MAGI2: variants seen among roughly 807,000 people sequenced by gnomAD.
MAGI2 encodes the protein membrane associated guanylate kinase, WW and PDZ domain containing 2.
A neutral mutation model predicts 133.3 loss-of-function variants in MAGI2; 35 were observed. The observed-to-expected ratio is 0.26, with a 90% CI of 0.20 to 0.35. The LOEUF (loss-of-function observed/expected upper bound fraction) is 0.35, where lower values mean the gene tolerates loss of function less well. Among genes scored for constraint, MAGI2 ranks in the 10% least tolerant of loss-of-function variants. The pLI is 1.00. For missense variants in MAGI2, 1,636 were observed against 1,863.4 expected (o/e 0.88, Z 2.25); for synonymous variants, 729 against 710.6 (o/e 1.03, Z -0.41).
chr7:78,174,955 G>A (rs1826451468), intron 14 of MAGI2, among the ~76,000 whole-genome samples: 1 of 152,234 alleles, frequency 6.6e-6, no homozygotes, highest in Admixed American at 6.5e-5. Context: ...ATGAATGCTG[G>A]AGGGTAACAA....
intron 21 of MAGI2, among the ~76,000 whole-genome samples, chr7:78,037,098 C>T (rs1810313811): frequency 6.6e-6 from 1 of 152,056 alleles, no homozygotes; most frequent in African/African-American, 2.4e-5. Context: ...ACCAGTGCCC[C>T]CAAGGCATCC....
chr7:78,568,153 T>G (rs1801140819), intron 3 of MAGI2: 2 of 152,252 alleles, frequency 1.3e-5, no homozygotes, highest in Non-Finnish European at 2.9e-5. Context: ...CTCCAAACTC[T>G]AAATGTTTAA....
Position 79,252,035 on chromosome 7 carries a change from T to C in MAGI2, c.301+200985A>G, listed in dbSNP as rs544718131. Among the ~76,000 whole-genome samples the C allele has an allele frequency of 4.0e-5, 6 of 151,536 alleles. No individual in the cohort carries two copies. In the South Asian group the frequency reaches 1.3e-3, roughly 32 times the overall value. On this transcript the variant is annotated intron_variant, in intron 1 of 21. Transcript: ENST00000354212. Reference sequence around the variant, plus strand: ...ACCCTGGCGTGGTAGCCCACACCTATGGTTCCAGCTATTCATGATGCTGAG... The same window carrying C: ...ACCCTGGCGTGGTAGCCCACACCTACGGTTCCAGCTATTCATGATGCTGAG...
At chr7:79,423,221 C>CAGT (rs1847102310) in intron 1 of MAGI2, among the ~76,000 whole-genome samples, 1 of 93,512 alleles carries the variant, frequency 1.1e-5, no homozygotes, top group Non-Finnish European at 1.8e-5. Flanking sequence ...TACACATCAT[C>CAGT]AATAAAAACT....
chr7:78,495,984 T>C lies in MAGI2; in HGVS notation c.965+5593A>G, dbSNP rs142837912. On this transcript the variant is annotated intron_variant, in intron 5 of 21. Transcript: ENST00000354212. ...TGTGACTAGTACGATATGTCAAGTA[T>C]AGAATGAGAAAGTATATTTCTGGTG... 3.1e-3 allele frequency among the ~76,000 whole-genome samples: 468 copies of C among 152,322 alleles called. 1 individual carries two copies. Among genetic ancestry groups the C allele is most frequent in the Middle Eastern group, 0.01 (3 of 294 alleles).
At chr7:78,319,582 G>A (rs1489194475) in intron 9 of MAGI2, among the ~76,000 whole-genome samples, 1 of 152,174 alleles carries the variant, frequency 6.6e-6, no homozygotes, top group Non-Finnish European at 1.5e-5. Flanking sequence ...AAACCAATGA[G>A]AACAAAGACA....
chr7:78,595,173 G>A (rs1180538906), intron 3 of MAGI2, among the ~76,000 whole-genome samples: 1 of 152,074 alleles, frequency 6.6e-6, no homozygotes, highest in Non-Finnish European at 1.5e-5. Context: ...ACTATGTTTT[G>A]CTATTTCACT....
intron 2 of MAGI2, among the ~76,000 whole-genome samples, chr7:78,831,675 C>G (rs1373734717): frequency 6.6e-6 from 1 of 152,208 alleles, no homozygotes; most frequent in African/African-American, 2.4e-5. Context: ...CTTTCTACTT[C>G]TCCCAGCCTC....
At chr7:79,297,164 C>A (rs1470829346) in intron 1 of MAGI2, among the ~76,000 whole-genome samples, 1 of 152,150 alleles carries the variant, frequency 6.6e-6, no homozygotes, top group African/African-American at 2.4e-5. Flanking sequence ...ACATCACAAC[C>A]ACCACCTGGC....
At chr7:78,443,875 C>T (rs73370266) in intron 6 of MAGI2, among the ~76,000 whole-genome samples, 1,904 of 152,182 alleles carry the variant, frequency 0.013, 42 homozygotes, top group African/African-American at 0.044. Context: ...CATGACCTGT[C>T]ATTCCTCTTT....
intron 2 of MAGI2, among the ~76,000 whole-genome samples, chr7:78,780,206 G>T (rs548036858): frequency 3.3e-5 from 5 of 152,280 alleles, no homozygotes; most frequent in African/African-American, 1.2e-4. Flanking sequence ...CATTTTTGTA[G>T]AGTAAATATG....
At chr7:78,893,300 G>A (rs6970742) in intron 2 of MAGI2, among the ~76,000 whole-genome samples, 78,697 of 151,960 alleles carry the variant, frequency 0.52, 22,023 homozygotes, top group South Asian at 0.68. Context: ...AACTTGTTCA[G>A]CCATTGTGGA....
intron 6 of MAGI2, among the ~76,000 whole-genome samples, chr7:78,420,302 G>A (rs922138081): frequency 2.0e-5 from 3 of 152,250 alleles, no homozygotes; most frequent in Admixed American, 6.5e-5. Flanking sequence ...AGAACAAGAA[G>A]TAAAGAATTA....
At chr7:78,410,634 T>A (rs1562958372) in intron 6 of MAGI2, among the ~76,000 whole-genome samples, 1 of 152,032 alleles carries the variant, frequency 6.6e-6, no homozygotes, top group Admixed American at 6.6e-5. Context: ...AAATCCATAA[T>A]AATTAAATGA....
At chr7:78,417,488 TTTTACTTAGTAACTA>T (rs761198837) in intron 6 of MAGI2, among the ~76,000 whole-genome samples, 11 of 152,052 alleles carry the variant, frequency 7.2e-5, no homozygotes, top group Non-Finnish European at 1.6e-4. Context: ...ATCTACAATC[TTTTACTTAGTAACTA>T]TAATACTTAA....
intron 20 of MAGI2, among the ~76,000 whole-genome samples, chr7:78,082,402 G>T: frequency 6.6e-6 from 1 of 152,180 alleles, no homozygotes. Context: ...GGGGCCTCAG[G>T]AATGAGGCTC....
intron 6 of MAGI2, among the ~76,000 whole-genome samples, chr7:78,482,231 T>C (rs563458656): frequency 6.6e-6 from 1 of 152,006 alleles, no homozygotes; most frequent in South Asian, 2.1e-4. Context: ...GGCTAAAATT[T>C]AAAAAATACT....
intron 1 of MAGI2, among the ~76,000 whole-genome samples, chr7:79,269,385 A>T (rs1021389709): frequency 6.6e-6 from 1 of 152,316 alleles, no homozygotes; most frequent in African/African-American, 2.4e-5. Context: ...GGTTGCTCAG[A>T]ATTTCTGGGT....
chr7:78,335,849 A>G (rs1789708132), intron 9 of MAGI2, among the ~76,000 whole-genome samples: 1 of 152,238 alleles, frequency 6.6e-6, no homozygotes, highest in Non-Finnish European at 1.5e-5. Context: ...CTCAGTGAAC[A>G]AATGTACAAA....
Sources: allele counts gnomAD v4.1 joint callset (sites outside exome capture counted in the v4.1 genomes callset), GRCh38; gene constraint gnomAD v4.1.1; transcripts MANE v1.5; gene names NCBI Gene and HGNC (gene_info 2026-07-23, HGNC 2026-07-21).